Variants in PVT1 observed in about 807,000 individuals in gnomAD.
PVT1 encodes the protein CXCR4/PVT1 fusion.
chr8:127,804,991 C>T (rs553642636), intron 2 of PVT1, among the ~76,000 whole-genome samples: 2 of 141,438 alleles, frequency 1.4e-5, no homozygotes, highest in African/African-American at 5.3e-5. Context: ...AGGGCAATGG[C>T]GCGATCTCGG....
At chr8:127,834,646 G>T (rs1344019398) in intron 2 of PVT1, among the ~76,000 whole-genome samples, 1 of 152,000 alleles carries the variant, frequency 6.6e-6, no homozygotes, top group Non-Finnish European at 1.5e-5. Context: ...CTACAGAATG[G>T]GAGAAAATTT....
chr8:128,065,651 A>T (rs1408391343), intron 4 of PVT1, among the ~76,000 whole-genome samples: 1 of 152,152 alleles, frequency 6.6e-6, no homozygotes, highest in African/African-American at 2.4e-5. Context: ...TGTCAAGACC[A>T]GTCTTCAGCT....
chr8:128,021,311 T>TTTTTTTTA (rs1817432063), intron 4 of PVT1, among the ~76,000 whole-genome samples: 1 of 148,244 alleles, frequency 6.7e-6, no homozygotes, highest in African/African-American at 2.5e-5. Context: ...TTTTTTTTTT[T>TTTTTTTTA]GAGACGGAGT....
intron 2 of PVT1, among the ~76,000 whole-genome samples, chr8:127,813,510 C>G (rs1352780030): frequency 6.6e-6 from 1 of 152,016 alleles, no homozygotes; most frequent in Non-Finnish European, 1.5e-5. Flanking sequence ...TGACAGTGAC[C>G]ACATCAGTCA....
chr8:127,795,823 T>C (rs1410010426), intron 1 of PVT1: 1 of 165,714 alleles, frequency 6.0e-6, no homozygotes, highest in Non-Finnish European at 1.5e-5. Flanking sequence ...ATAGCGAATC[T>C]TTCTAAAGCT....
At chr8:128,022,954 C>T (rs1255056199) in intron 4 of PVT1, among the ~76,000 whole-genome samples, 1 of 151,502 alleles carries the variant, frequency 6.6e-6, no homozygotes, top group Non-Finnish European at 1.5e-5. Flanking sequence ...GCAAACTCCA[C>T]CTCCTGGGTT....
rs577262413 is a variant in PVT1, at chr8:127,974,631, G to C, written n.783-14531G>C. Among the ~76,000 whole-genome samples the C allele has an allele frequency of 3.3e-4, 50 of 151,996 alleles. 1 individual carries two copies. The highest frequency in any genetic ancestry group is 1.2e-3 in the African/African-American group (49 of 41,330). On this transcript the variant is annotated intron_variant and non_coding_transcript_variant, in intron 3 of 10. Transcript: ENST00000651587. ...GGGTTTTACCGTGTTGGCCAGGCTA[G>C]TCTCAAATTCATGACCTCAAATGAT... is the stretch of plus-strand genomic sequence containing the variant.
intron 2 of PVT1, among the ~76,000 whole-genome samples, chr8:127,799,276 C>T (rs1814435458): frequency 6.6e-6 from 1 of 151,416 alleles, no homozygotes; most frequent in Admixed American, 6.6e-5. Flanking sequence ...GCTGCTGCTT[C>T]AGCCCGGCAT....
intron 4 of PVT1, among the ~76,000 whole-genome samples, chr8:128,064,019 C>G (rs1222480241): frequency 6.6e-6 from 1 of 152,098 alleles, no homozygotes; most frequent in Non-Finnish European, 1.5e-5. Context: ...CCCCCATCCC[C>G]ACGGATGAGT....
intron 2 of PVT1, among the ~76,000 whole-genome samples, chr8:127,838,191 C>T (rs1341250408): frequency 6.6e-6 from 1 of 152,038 alleles, no homozygotes; most frequent in Admixed American, 6.6e-5. Flanking sequence ...ACCACTGCAC[C>T]TGGTCTCATT....
intron 2 of PVT1, among the ~76,000 whole-genome samples, chr8:127,840,003 C>T (rs1489549674): frequency 6.6e-6 from 1 of 152,156 alleles, no homozygotes; most frequent in Non-Finnish European, 1.5e-5. Flanking sequence ...CCACAGGCAT[C>T]TGCTTCTTGG....
rs530845811 is a variant in PVT1 at position 127,820,740 on chromosome 8, C to T, written n.372+24669C>T. Among the ~76,000 whole-genome samples the T allele has an allele frequency of 2.0e-5, 3 of 151,584 alleles. No homozygotes were observed. In the East Asian group the frequency reaches 5.8e-4, roughly 29 times the overall value. On this transcript the variant is annotated intron_variant and non_coding_transcript_variant, in intron 2 of 10. Transcript: ENST00000651587. ...CTTTTGTGTTTTTGAGATAGAGTCT[C>T]GCTTTGTCGCCCAGGCTGGAATGCA...
At chr8:127,815,885 G>C (rs1814654099) in intron 2 of PVT1, among the ~76,000 whole-genome samples, 1 of 152,134 alleles carries the variant, frequency 6.6e-6, no homozygotes, top group Non-Finnish European at 1.5e-5. Context: ...CAGCACTTTG[G>C]GAGGCCAAGG....
At chr8:127,868,794 C>CATATGTTATATATATATAACATAACATAT (rs1815318489) in intron 2 of PVT1, among the ~76,000 whole-genome samples, 1 of 8,972 alleles carries the variant, frequency 1.1e-4, no homozygotes, top group African/African-American at 4.0e-4. Flanking sequence ...TATATATATA[C>CATATGTTATATATATATAACATAACATAT]ATATATATGT....
chr8:127,921,191 C>T (rs1816052395), intron 3 of PVT1, among the ~76,000 whole-genome samples: 1 of 152,180 alleles, frequency 6.6e-6, no homozygotes, highest in Non-Finnish European at 1.5e-5. Context: ...CACACGCTTA[C>T]TGACACCTCC....
chr8:128,080,744 T>C (rs1479994800), intron 5 of PVT1, among the ~76,000 whole-genome samples: 1 of 152,224 alleles, frequency 6.6e-6, no homozygotes, highest in East Asian at 1.9e-4. Context: ...AGTTTTTTCA[T>C]AGATTGTGGC....
intron 3 of PVT1, among the ~76,000 whole-genome samples, chr8:127,982,040 C>A (rs1184559969): frequency 2.0e-5 from 3 of 152,172 alleles, no homozygotes; most frequent in Non-Finnish European, 4.4e-5. Context: ...CTTCACCTAC[C>A]AGGCTTCTCC....
chr8:127,931,829 T>C (rs1816209422), intron 3 of PVT1, among the ~76,000 whole-genome samples: 1 of 152,246 alleles, frequency 6.6e-6, no homozygotes, highest in Non-Finnish European at 1.5e-5. Context: ...GCTCATCAGA[T>C]GTTTTTGCCA....
intron 4 of PVT1, among the ~76,000 whole-genome samples, chr8:128,004,022 G>C (rs1276618143): frequency 6.6e-6 from 1 of 152,178 alleles, no homozygotes; most frequent in Non-Finnish European, 1.5e-5. Flanking sequence ...AGCAGAGAGG[G>C]TTCTCTGGTG....
Sources: gnomAD v4.1 joint callset for allele counts (sites outside exome capture counted in the v4.1 genomes callset) on GRCh38, gnomAD v4.1.1 for gene constraint, MANE v1.5 for transcripts, NCBI Gene and HGNC (gene_info 2026-07-23, HGNC 2026-07-21) for gene names.